Variants in AOPEP observed in about 807,000 individuals in gnomAD.
AOPEP encodes the protein aminopeptidase O.
A neutral mutation model predicts 98.1 loss-of-function variants in AOPEP; 77 were observed. That is an observed-to-expected ratio of 0.78 (90% CI 0.65 to 0.95). The LOEUF is 0.95. Among genes scored for constraint, AOPEP ranks in the 40% least tolerant of loss-of-function variants. The pLI, the probability that AOPEP is intolerant of heterozygous loss-of-function variation, is 0.00. For missense variants in AOPEP, 1,024 were observed against 1,024.7 expected (o/e 1.00, Z 0.01); for synonymous variants, 346 against 365.3 (o/e 0.95, Z 0.60).
Position 94,924,095 on chromosome 9 carries a change from G to GCC in AOPEP, c.1476_1477dup (p.Arg493ProfsTer9). 1 of 1,516,258 alleles carries GCC rather than the reference G, an allele frequency of 6.6e-7. No individual in the cohort carries two copies. The highest frequency in any genetic ancestry group is 8.9e-7 in the Non-Finnish European group (1 of 1,128,870). The allele number at this position is 1,516,258 out of a possible 1,614,324, so 93.9% of individuals were successfully genotyped here. A position where few individuals can be genotyped will look rare whatever the true frequency, so the allele number is the denominator to read the frequency against. ...TGCCTGGTTTGGCCTAGCCATCGGG[G>GCC]CCCGAGACTGGACGGAGGAGTGGCT... is the stretch of plus-strand genomic sequence containing the variant. On this transcript the variant is annotated frameshift_variant, in exon 6 of 17. Coordinates refer to ENST00000375315, the MANE Select transcript of AOPEP (RefSeq NM_001193329.3). LOFTEE classifies it high-confidence loss of function.
chr9:95,100,684 G>A, the AOPEP span: 14 of 228,896 alleles, frequency 6.1e-5, no homozygotes, highest in East Asian at 8.7e-4. Context: ...AGGCTGGAGT[G>A]CAGTGTCATG....
the AOPEP span, chr9:95,117,203 A>G: frequency 5.3e-6 from 5 of 943,734 alleles, no homozygotes; most frequent in African/African-American, 1.6e-5. Context: ...CTTAGAAATA[A>G]CCAGTTCTGT....
At chr9:94,755,497 CTT>C (rs1434528224) in intron 1 of AOPEP, among the ~76,000 whole-genome samples, 4 of 152,278 alleles carry the variant, frequency 2.6e-5, no homozygotes, top group South Asian at 2.1e-4. Context: ...ACTTAATAGA[CTT>C]ATATATAATT....
chr9:94,737,385 C>T (rs1190130004), intron 1 of AOPEP, among the ~76,000 whole-genome samples: 1 of 152,196 alleles, frequency 6.6e-6, no homozygotes, highest in African/African-American at 2.4e-5. Context: ...GCTGGGATTA[C>T]AGGTGTGAGC....
chr9:94,747,041 G>GGTT (rs1564058953), intron 1 of AOPEP, among the ~76,000 whole-genome samples: 4 of 143,526 alleles, frequency 2.8e-5, no homozygotes, highest in Non-Finnish European at 3.1e-5. Flanking sequence ...ACTCCAGTGG[G>GGTT]TTTTTTTTTT....
At chr9:95,045,420 TTTGTTAAAACC>T (rs1204478135) in intron 13 of AOPEP, among the ~76,000 whole-genome samples, 1 of 152,194 alleles carries the variant, frequency 6.6e-6, no homozygotes, top group Non-Finnish European at 1.5e-5. Context: ...GCGACTTGCT[TTTGTTAAAACC>T]TCCTTGTGTT....
chr9:94,908,234 G>C (rs1474215481), intron 5 of AOPEP, among the ~76,000 whole-genome samples: 1 of 152,138 alleles, frequency 6.6e-6, no homozygotes, highest in Non-Finnish European at 1.5e-5. Flanking sequence ...ACACACCTTG[G>C]TGTGGCAGGC....
intron 13 of AOPEP, among the ~76,000 whole-genome samples, chr9:95,016,531 C>T (rs2063013248): frequency 6.6e-6 from 1 of 152,084 alleles, no homozygotes; most frequent in Non-Finnish European, 1.5e-5. Flanking sequence ...GTGTGAGCCA[C>T]CGCGCCAGGC....
chr9:94,741,539 G>A (rs1285782497), intron 1 of AOPEP, among the ~76,000 whole-genome samples: 1 of 152,062 alleles, frequency 6.6e-6, no homozygotes, highest in African/African-American at 2.4e-5. Context: ...CCAAAGTGTT[G>A]AGATTACGGG....
At chr9:94,868,261 A>G (rs2045930933) in intron 5 of AOPEP, among the ~76,000 whole-genome samples, 1 of 152,194 alleles carries the variant, frequency 6.6e-6, no homozygotes, top group Non-Finnish European at 1.5e-5. Context: ...TTCTTTCCAG[A>G]CTGAGATGTA....
chr9:95,043,376 TAA>T (rs2065535975), intron 13 of AOPEP, among the ~76,000 whole-genome samples: 2 of 151,958 alleles, frequency 1.3e-5, no homozygotes, highest in Admixed American at 1.3e-4. Context: ...TGTTACACTG[TAA>T]TAGCTAACAT....
At chr9:95,022,736 AAT>A (rs1284283444) in intron 13 of AOPEP, among the ~76,000 whole-genome samples, 4 of 152,176 alleles carry the variant, frequency 2.6e-5, no homozygotes, top group Admixed American at 2.6e-4. Context: ...GCTCAGTAGA[AAT>A]AGTTTGTTGA....
At chr9:94,977,004 G>A (rs944799430) in intron 10 of AOPEP, among the ~76,000 whole-genome samples, 4 of 152,148 alleles carry the variant, frequency 2.6e-5, no homozygotes, top group African/African-American at 7.2e-5. Context: ...CCTGAGGATC[G>A]CTTGAAGGAT....
chr9:94,795,324 T>C (rs1846679926), intron 4 of AOPEP, among the ~76,000 whole-genome samples: 1 of 152,124 alleles, frequency 6.6e-6, no homozygotes, highest in Non-Finnish European at 1.5e-5. Flanking sequence ...GCCACCATTA[T>C]TGACTGGAGT....
chr9:94,902,345 G>C (rs1265776724), intron 5 of AOPEP, among the ~76,000 whole-genome samples: 2 of 152,170 alleles, frequency 1.3e-5, no homozygotes, highest in Non-Finnish European at 2.9e-5. Flanking sequence ...AGCTGGAGTG[G>C]GGTTAGGGTG....
In AOPEP at chr9:94,918,707, A is replaced by G. The variant is rs575320879; in HGVS notation, c.1365-5279A>G. Among the ~76,000 whole-genome samples, 6 of 152,334 alleles carry G rather than the reference A, an allele frequency of 3.9e-5. 1 individual carries two copies. Among genetic ancestry groups the G allele is most frequent in the African/African-American group, 1.4e-4 (6 of 41,572 alleles). On this transcript the variant is annotated intron_variant, in intron 5 of 16. Coordinates refer to ENST00000375315, the MANE Select transcript of AOPEP (RefSeq NM_001193329.3). Reference sequence around the variant, plus strand: ...TAGTAACATCCTGAGGTTGTGGGGTAGAGCAATGAGATGGCATGTGTAAAA... The same window carrying G: ...TAGTAACATCCTGAGGTTGTGGGGTGGAGCAATGAGATGGCATGTGTAAAA...
chr9:94,865,734 G>A (rs1400943066), intron 5 of AOPEP, among the ~76,000 whole-genome samples: 1 of 152,178 alleles, frequency 6.6e-6, no homozygotes, highest in Non-Finnish European at 1.5e-5. Flanking sequence ...AGCTGCATAT[G>A]TTTAGAGACT....
At chr9:95,058,207 C>T (rs2067001173) in intron 13 of AOPEP, among the ~76,000 whole-genome samples, 1 of 152,138 alleles carries the variant, frequency 6.6e-6, no homozygotes, top group South Asian at 2.1e-4. Context: ...GGAGCTGTAT[C>T]TATTGGTTAA....
At chr9:94,872,811 A>T (rs1023011542) in intron 5 of AOPEP, among the ~76,000 whole-genome samples, 1 of 152,214 alleles carries the variant, frequency 6.6e-6, no homozygotes, top group Non-Finnish European at 1.5e-5. Context: ...AACAGCCATT[A>T]AGTGCAATCA....
Sources: gnomAD v4.1 joint callset for allele counts (sites outside exome capture counted in the v4.1 genomes callset) on GRCh38, gnomAD v4.1.1 for gene constraint, MANE v1.5 for transcripts, NCBI Gene and HGNC (gene_info 2026-07-23, HGNC 2026-07-21) for gene names.